Variants in KCNG2 observed in about 807,000 individuals in gnomAD.
KCNG2 encodes the protein potassium voltage-gated channel modifier subfamily G member 2.
KCNG2 carries 7 observed loss-of-function variants against 12.3 expected under a neutral mutation model. The observed-to-expected ratio is 0.57, with a 90% CI of 0.32 to 1.07. The LOEUF is 1.07. Ranked by LOEUF, KCNG2 falls within the 50% of genes least tolerant of loss-of-function variation. The probability of loss-of-function intolerance (pLI) is 0.04; values close to 1 mark genes in which losing one functional copy is unlikely to be tolerated. For synonymous variants in KCNG2, 414 were observed against 351.4 expected, an observed-to-expected ratio of 1.18 and a Z score of -1.99; for missense variants, 703 against 726.0, an observed-to-expected ratio of 0.97 and a Z score of 0.36.
intron 3 of KCNG2, among the ~76,000 whole-genome samples, chr18:79,870,506 G>T (rs548024298): frequency 6.6e-6 from 1 of 152,306 alleles, no homozygotes; most frequent in African/African-American, 2.4e-5. Context: ...TGCGCTGGGC[G>T]GCTGCTGTGT....
At chr18:79,877,575 C>T (rs1014490720) in intron 3 of KCNG2, among the ~76,000 whole-genome samples, 4 of 151,838 alleles carry the variant, frequency 2.6e-5, no homozygotes, top group African/African-American at 7.3e-5. Flanking sequence ...CTCACACCTC[C>T]GCCCCCCCCG....
intron 3 of KCNG2, among the ~76,000 whole-genome samples, chr18:79,868,521 G>A (rs1356436532): frequency 6.6e-6 from 1 of 152,218 alleles, no homozygotes; most frequent in African/African-American, 2.4e-5. Context: ...TGGGTGAAGA[G>A]CCAAGAAAAG....
chr18:79,801,950 C>A (rs1424072264), intron 1 of KCNG2, among the ~76,000 whole-genome samples: 1 of 152,156 alleles, frequency 6.6e-6, no homozygotes, highest in Admixed American at 6.5e-5. Context: ...ACTCTGGGGA[C>A]CCCTTCGCCA....
chr18:79,798,565 C>A (rs898773040), intron 1 of KCNG2, among the ~76,000 whole-genome samples: 1 of 152,200 alleles, frequency 6.6e-6, no homozygotes, highest in Non-Finnish European at 1.5e-5. Flanking sequence ...ATGAACGCCC[C>A]ACTCCCGCTC....
intron 3 of KCNG2, among the ~76,000 whole-genome samples, chr18:79,891,601 T>A (rs1980747331): frequency 6.6e-6 from 1 of 152,234 alleles, no homozygotes; most frequent in South Asian, 2.1e-4. Context: ...CATCTCCAAG[T>A]CTGACTGCCT....
intron 1 of KCNG2, among the ~76,000 whole-genome samples, chr18:79,802,726 TGGC>T (rs2087420445): frequency 7.3e-6 from 1 of 136,898 alleles, no homozygotes; most frequent in Admixed American, 7.7e-5. Flanking sequence ...GGAGAGTTCC[TGGC>T]TTTTTTTTTT....
chr18:79,873,435 C>CT (rs1555695261), intron 3 of KCNG2, among the ~76,000 whole-genome samples: 1 of 145,820 alleles, frequency 6.9e-6, no homozygotes, highest in Non-Finnish European at 1.5e-5. Flanking sequence ...CTCCCCCCCC[C>CT]CCAGCCACCT....
intron 3 of KCNG2, among the ~76,000 whole-genome samples, chr18:79,885,308 A>G: frequency 6.6e-6 from 1 of 152,196 alleles, no homozygotes; most frequent in Admixed American, 6.5e-5. Context: ...CTGAACGTAG[A>G]CTTTTTTTCT....
intron 1 of KCNG2, among the ~76,000 whole-genome samples, chr18:79,825,108 G>C (rs1190088825): frequency 6.6e-6 from 1 of 152,040 alleles, no homozygotes; most frequent in Non-Finnish European, 1.5e-5. Context: ...AGGACAGTCA[G>C]TAGTAACTTT....
chr18:79,881,464 T>C (rs569624462), intron 3 of KCNG2, among the ~76,000 whole-genome samples: 1 of 152,328 alleles, frequency 6.6e-6, no homozygotes, highest in African/African-American at 2.4e-5. Context: ...TTGCTAGCAG[T>C]GAACTATTGG....
At chr18:79,834,263 C>T (rs572973841) in intron 1 of KCNG2, among the ~76,000 whole-genome samples, 2 of 152,328 alleles carry the variant, frequency 1.3e-5, no homozygotes, top group Non-Finnish European at 2.9e-5. Flanking sequence ...TCCTGTCCTC[C>T]GACGTGGCAA....
intron 1 of KCNG2, among the ~76,000 whole-genome samples, chr18:79,848,443 T>A (rs1978698389): frequency 6.6e-6 from 1 of 152,178 alleles, no homozygotes; most frequent in Non-Finnish European, 1.5e-5. Flanking sequence ...TCGTCAGCCC[T>A]CCTTGGCTGT....
At chr18:79,801,710 A>G (rs2087410928) in intron 1 of KCNG2, among the ~76,000 whole-genome samples, 1 of 152,246 alleles carries the variant, frequency 6.6e-6, no homozygotes, top group Non-Finnish European at 1.5e-5. Flanking sequence ...AGTTTTTACT[A>G]AATTCCAGCC....
chr18:79,829,714 T>C (rs930939647), intron 1 of KCNG2, among the ~76,000 whole-genome samples: 3 of 152,164 alleles, frequency 2.0e-5, no homozygotes, highest in African/African-American at 7.2e-5. Context: ...TACTGGCTGT[T>C]TGGGGGCTCC....
Position 79,805,302 on chromosome 18 carries a change from A to G in KCNG2, c.-115+7288A>G, listed in dbSNP as rs1389974449. Among the ~76,000 whole-genome samples the G allele has an allele frequency of 2.0e-5, 3 of 152,310 alleles. No individual in the cohort carries two copies. The East Asian group carries it at 5.8e-4, about 29-fold the overall frequency. On this transcript the variant is annotated intron_variant, in intron 1 of 3. Coordinates refer to ENST00000316249, the MANE Select transcript of KCNG2 (RefSeq NM_012283.2). ...CTTTAACCTCTTCTCAATTTTCCAA[A>G]TACATGGCTTTTTGCTGTAAAAGTG...
chr18:79,815,441 C>CA (rs760919178), intron 1 of KCNG2, among the ~76,000 whole-genome samples: 17,924 of 78,690 alleles, frequency 0.23, 1,596 homozygotes, highest in South Asian at 0.41. Flanking sequence ...AACCCTGCCT[C>CA]AAAAAAAAAA....
intron 2 of KCNG2, among the ~76,000 whole-genome samples, chr18:79,859,930 A>G (rs2096941596): frequency 6.6e-6 from 1 of 152,186 alleles, no homozygotes; most frequent in Admixed American, 6.5e-5. Flanking sequence ...CCTATAAAGG[A>G]ATACCTGAGA....
intron 1 of KCNG2, among the ~76,000 whole-genome samples, chr18:79,842,360 G>A (rs1978486513): frequency 6.6e-6 from 1 of 152,152 alleles, no homozygotes; most frequent in Admixed American, 6.5e-5. Flanking sequence ...GACTGATAAA[G>A]GGCTCTCCTT....
intron 3 of KCNG2, among the ~76,000 whole-genome samples, chr18:79,871,281 G>T (rs900414197): frequency 6.6e-6 from 1 of 152,234 alleles, no homozygotes; most frequent in Non-Finnish European, 1.5e-5. Context: ...GTCTGTCGCA[G>T]CCTGTCCTGT....
Sources: gnomAD v4.1 joint callset for allele counts (sites outside exome capture counted in the v4.1 genomes callset) on GRCh38, gnomAD v4.1.1 for gene constraint, MANE v1.5 for transcripts, NCBI Gene and HGNC (gene_info 2026-07-23, HGNC 2026-07-21) for gene names.